Variants in PREP observed in about 807,000 individuals in gnomAD.
PREP encodes dJ355L5.1 (prolyl endopeptidase).
PREP carries 29 observed loss-of-function variants against 87.6 expected under a neutral mutation model. That is an observed-to-expected ratio of 0.33 (90% CI 0.25 to 0.45). The LOEUF is 0.45. PREP is among the 20% of genes least tolerant of loss of function. The pLI is 1.00. For synonymous variants in PREP, 337 were observed against 328.6 expected, an observed-to-expected ratio of 1.03 and a Z score of -0.28; for missense variants, 695 against 886.5, an observed-to-expected ratio of 0.78 and a Z score of 2.74.
At chr6:105,295,393 CCT>C (rs1364793545) in intron 10 of PREP, among the ~76,000 whole-genome samples, 34 of 151,898 alleles carry the variant, frequency 2.2e-4, no homozygotes, top group Non-Finnish European at 3.8e-4. Flanking sequence ...GTATTTTTTC[CCT>C]TTCTTTGGCA....
At chr6:105,360,330 G>A (rs946203945) in intron 6 of PREP, among the ~76,000 whole-genome samples, 1 of 152,166 alleles carries the variant, frequency 6.6e-6, no homozygotes, top group African/African-American at 2.4e-5. Context: ...GGGGAAAGAA[G>A]TGTTCCCCTT....
intron 6 of PREP, among the ~76,000 whole-genome samples, chr6:105,362,795 T>C (rs2114695759): frequency 6.6e-6 from 1 of 152,290 alleles, no homozygotes; most frequent in Admixed American, 6.5e-5. Context: ...AAATATGGAC[T>C]GTGCCAACTG....
At chr6:105,401,618 C>A (rs1428696288) in intron 1 of PREP, among the ~76,000 whole-genome samples, 4 of 129,264 alleles carry the variant, frequency 3.1e-5, no homozygotes, top group Admixed American at 2.7e-4. Context: ...TCAAAGGAAA[C>A]AACCTTTAAA....
At chr6:105,308,732 C>G (rs1300871819) in intron 10 of PREP, among the ~76,000 whole-genome samples, 36 of 152,114 alleles carry the variant, frequency 2.4e-4, no homozygotes, top group Admixed American at 2.4e-3. Flanking sequence ...TCTATCACAA[C>G]CACTTTCAAT....
At chr6:105,365,764 C>G (rs1002712460) in intron 6 of PREP, among the ~76,000 whole-genome samples, 1 of 152,132 alleles carries the variant, frequency 6.6e-6, no homozygotes, top group African/African-American at 2.4e-5. Context: ...ACGCCCACTT[C>G]TTGTTTACGG....
rs1000137657 is a variant in PREP at position 105,276,299 on chromosome 6, A to C, written c.*1845T>G. 6.6e-6 allele frequency among the ~76,000 whole-genome samples: 1 copy of C among 152,256 alleles called. No individual in the cohort carries two copies. The highest frequency in any genetic ancestry group is 1.5e-5 in the Non-Finnish European group (1 of 68,032). ...TCCTCCTCCTCCTCATCAGTTGCTA[A>C]GTGACATTTGGGATTTGAACCCAGT... On this transcript the variant is annotated 3_prime_UTR_variant, in exon 15 of 15. Transcript: ENST00000652536.
At chr6:105,391,369 G>A (rs1583105449) in intron 2 of PREP, among the ~76,000 whole-genome samples, 1 of 152,236 alleles carries the variant, frequency 6.6e-6, no homozygotes, top group East Asian at 1.9e-4. Context: ...GTGATGGAAT[G>A]AGACTGTCTC....
intron 2 of PREP, among the ~76,000 whole-genome samples, chr6:105,387,292 C>T (rs898687093): frequency 6.6e-6 from 1 of 152,128 alleles, no homozygotes; most frequent in African/African-American, 2.4e-5. Flanking sequence ...TTTTTAACTG[C>T]TGTTTTCCCA....
chr6:105,394,157 A>C (rs1773231631), intron 2 of PREP, among the ~76,000 whole-genome samples: 2 of 152,218 alleles, frequency 1.3e-5, no homozygotes, highest in African/African-American at 4.8e-5. Context: ...TTTAATATTA[A>C]TATATTAGTG....
intron 10 of PREP, among the ~76,000 whole-genome samples, chr6:105,315,874 C>G (rs906794900): frequency 3.3e-5 from 5 of 152,204 alleles, no homozygotes; most frequent in African/African-American, 1.2e-4. Context: ...GCAGCTTTCT[C>G]ATGTCTTTTA....
At position 105,362,538 on chromosome 6, in the gene PREP, TC is replaced by T. The variant is rs143177436; in HGVS notation, c.717+6364del. ...AGTGTTCTGTAAGAAAAGCGATTGA[TC>T]AACAAATCCAACATGTCTACTAAAA... On this transcript the variant is annotated intron_variant, in intron 6 of 14. Transcript: ENST00000652536. Among the ~76,000 whole-genome samples the T allele has an allele frequency of 3.1e-3, 475 of 152,334 alleles. 2 individuals carry two copies. The highest frequency in any genetic ancestry group is 0.01 in the African/African-American group (435 of 41,570).
chr6:105,393,162 G>C (rs1773200241), intron 2 of PREP, among the ~76,000 whole-genome samples: 1 of 152,192 alleles, frequency 6.6e-6, no homozygotes, highest in Non-Finnish European at 1.5e-5. Context: ...AATCTTTACA[G>C]AGCTTCTAAA....
At chr6:105,330,858 A>G (rs1311174338) in intron 8 of PREP, among the ~76,000 whole-genome samples, 5 of 152,230 alleles carry the variant, frequency 3.3e-5, no homozygotes, top group Non-Finnish European at 7.3e-5. Context: ...AAGTGAGGAC[A>G]TAAAGAAGAA....
chr6:105,306,113 G>T (rs969069005), intron 10 of PREP, among the ~76,000 whole-genome samples: 1 of 152,234 alleles, frequency 6.6e-6, no homozygotes, highest in African/African-American at 2.4e-5. Flanking sequence ...AATGTGCTGG[G>T]ATTACAAGCG....
chr6:105,281,938 C>G (rs1770090699), intron 13 of PREP, 36 bp from the exon 14 acceptor site: 2 of 1,606,366 alleles, frequency 1.2e-6, no homozygotes, highest in Non-Finnish European at 1.7e-6. Context: ...GGGAGGCAGT[C>G]TATCATTAAA....
chr6:105,391,494 T>C (rs1773145788), intron 2 of PREP, among the ~76,000 whole-genome samples: 1 of 152,142 alleles, frequency 6.6e-6, no homozygotes, highest in African/African-American at 2.4e-5. Flanking sequence ...AGTGCTGAGA[T>C]TATATGTGTG....
At chr6:105,310,148 T>C (rs1336156911) in intron 10 of PREP, among the ~76,000 whole-genome samples, 1 of 152,188 alleles carries the variant, frequency 6.6e-6, no homozygotes, top group Non-Finnish European at 1.5e-5. Flanking sequence ...AGTGGGAAGA[T>C]GTAAACCACA....
At chr6:105,290,545 A>G (rs1271363741) in intron 10 of PREP, among the ~76,000 whole-genome samples, 1 of 152,180 alleles carries the variant, frequency 6.6e-6, no homozygotes, top group Non-Finnish European at 1.5e-5. Context: ...TCATGCAGCC[A>G]GCTGGACTGA....
intron 8 of PREP, among the ~76,000 whole-genome samples, chr6:105,331,487 C>A (rs979205996): frequency 9.2e-5 from 14 of 152,180 alleles, no homozygotes; most frequent in Admixed American, 9.2e-4. Flanking sequence ...ACTGTTTAAT[C>A]CTGACTTGTG....
Sources: allele counts gnomAD v4.1 joint callset (sites outside exome capture counted in the v4.1 genomes callset), GRCh38; gene constraint gnomAD v4.1.1; transcripts MANE v1.5; gene names NCBI Gene and HGNC (gene_info 2026-07-23, HGNC 2026-07-21).